Variants in IQSEC1 observed in about 807,000 individuals in gnomAD.
IQSEC1 encodes the protein IQ motif and SEC7 domain-containing protein 1.
Under a neutral mutation model 91.0 loss-of-function variants are expected in IQSEC1, and 31 were observed. The observed-to-expected ratio is 0.34, with a 90% CI of 0.26 to 0.46. The LOEUF (loss-of-function observed/expected upper bound fraction) is 0.46, where lower values mean the gene tolerates loss of function less well. IQSEC1 is among the 20% of genes least tolerant of loss of function. IQSEC1 has a pLI of 1.00. For missense variants in IQSEC1, 1,388 were observed against 1,575.6 expected, an observed-to-expected ratio of 0.88 and a Z score of 2.02; for synonymous variants, 699 against 662.6, an observed-to-expected ratio of 1.05 and a Z score of -0.84.
At position 13,021,184 on chromosome 3, in the gene IQSEC1, A is replaced by G. The variant is rs970897458; in HGVS notation, c.23+51808T>C. 3.3e-5 allele frequency among the ~76,000 whole-genome samples: 5 copies of G among 152,276 alleles called. No homozygotes were observed. In the South Asian group the frequency reaches 8.3e-4, roughly 25 times the overall value. ...GTGTAGTTCCCCTTTACAGATGGGG[A>G]GACCCCAGCCTTGCCTGAGATCACA... is the stretch of plus-strand genomic sequence containing the variant. On this transcript the variant is annotated intron_variant, in intron 1 of 13. Coordinates refer to ENST00000613206, the MANE Select transcript of IQSEC1 (RefSeq NM_001134382.3).
rs115632343 is a variant in IQSEC1, at chr3:12,920,601, G to C, written c.1854-5C>G. 3 of 1,613,776 alleles carry C rather than the reference G, an allele frequency of 1.9e-6. No homozygotes were observed. The highest frequency in any genetic ancestry group is 1.7e-5 in the Admixed American group (1 of 60,024). ...TTGCAGATGCAGTAGCGCTGGCTGC[G>C]GGCCGGGAGGGAGGGGGTCAGGGCC... On this transcript the variant is annotated splice_region_variant and splice_polypyrimidine_tract_variant and intron_variant, in intron 5 of 13. Coordinates refer to ENST00000613206, the MANE Select transcript of IQSEC1 (RefSeq NM_001134382.3).
chr3:13,255,249 G>A (rs940394519), intron 1 of IQSEC1, among the ~76,000 whole-genome samples: 28 of 152,170 alleles, frequency 1.8e-4, no homozygotes, highest in Admixed American at 1.7e-3. Flanking sequence ...GAGGCAGACC[G>A]GACACTGGGC....
chr3:13,141,416 G>A (rs558970130), intron 2 of IQSEC1, among the ~76,000 whole-genome samples: 33 of 152,342 alleles, frequency 2.2e-4, no homozygotes, highest in Admixed American at 7.8e-4. Flanking sequence ...GCCGTCTCCC[G>A]GGGAGTCCAG....
At chr3:13,133,225 C>T (rs960528539) in intron 2 of IQSEC1, among the ~76,000 whole-genome samples, 5 of 152,360 alleles carry the variant, frequency 3.3e-5, no homozygotes, top group African/African-American at 1.2e-4. Context: ...AGGACCCTAA[C>T]TCGTGTTGGT....
chr3:13,163,612 T>C (rs976047961), intron 2 of IQSEC1, among the ~76,000 whole-genome samples: 4 of 152,110 alleles, frequency 2.6e-5, no homozygotes, highest in Non-Finnish European at 5.9e-5. Flanking sequence ...CACCCCCACC[T>C]ACCCTCGGTT....
intron 2 of IQSEC1, among the ~76,000 whole-genome samples, chr3:13,132,585 C>A (rs1227312978): frequency 1.3e-5 from 2 of 152,176 alleles, no homozygotes; most frequent in African/African-American, 4.8e-5. Context: ...GTTCTCTGGG[C>A]CTTGCCTGGC....
intron 2 of IQSEC1, among the ~76,000 whole-genome samples, chr3:13,118,729 G>T (rs1160788491): frequency 6.6e-6 from 1 of 152,160 alleles, no homozygotes; most frequent in Admixed American, 6.5e-5. Flanking sequence ...GAGATGGATG[G>T]TGGTGTTGGC....
intron 2 of IQSEC1, among the ~76,000 whole-genome samples, chr3:13,161,960 C>T (rs556162773): frequency 3.3e-5 from 5 of 152,326 alleles, no homozygotes; most frequent in African/African-American, 1.2e-4. Context: ...CCTGCACATG[C>T]TGTTCCCCCA....
Position 12,899,456 on chromosome 3 carries a change from T to C in IQSEC1, c.*1527A>G. 1 of 1,604,058 alleles carries C rather than the reference T, an allele frequency of 6.2e-7. No homozygotes were observed. Among genetic ancestry groups the C allele is most frequent in the Non-Finnish European group, 8.5e-7 (1 of 1,176,112 alleles). On this transcript the variant is annotated 3_prime_UTR_variant, in exon 14 of 14. Transcript: ENST00000613206. ...GAAACTACAAAGTATGGCCCGTGGGTGACTCGGGCACAGACCTGCCGCGTG... is the reference window on the plus strand; with the variant it reads ...GAAACTACAAAGTATGGCCCGTGGGCGACTCGGGCACAGACCTGCCGCGTG...
intron 1 of IQSEC1, among the ~76,000 whole-genome samples, chr3:13,185,243 G>A (rs1294385232): frequency 1.3e-5 from 2 of 152,098 alleles, no homozygotes; most frequent in East Asian, 1.9e-4. Context: ...TTGTCACCTC[G>A]TTCTTCCCCA....
At chr3:13,137,818 G>A (rs974502559) in intron 2 of IQSEC1, among the ~76,000 whole-genome samples, 1 of 152,110 alleles carries the variant, frequency 6.6e-6, no homozygotes, top group Non-Finnish European at 1.5e-5. Flanking sequence ...TGGCAACATG[G>A]TGAGACCCAT....
chr3:12,968,407 C>A (rs940736122), intron 1 of IQSEC1, among the ~76,000 whole-genome samples: 1 of 152,134 alleles, frequency 6.6e-6, no homozygotes, highest in Non-Finnish European at 1.5e-5. Flanking sequence ...CTATGACAAG[C>A]TTAAAGTAAT....
Position 12,913,411 on chromosome 3 carries a change from G to A in IQSEC1, c.2316+17C>T. On this transcript the variant is annotated intron_variant, in intron 9 of 13. Transcript: ENST00000613206. Reference sequence around the variant, plus strand: ...CTTGAGGTCCCTGCTACAATGCCTTGTGGGTGAGCCACATACCACCAGGAG... The same window carrying A: ...CTTGAGGTCCCTGCTACAATGCCTTATGGGTGAGCCACATACCACCAGGAG... 1.3e-6 allele frequency: 2 copies of A among 1,579,914 alleles called. No homozygotes were observed. Among genetic ancestry groups the A allele is most frequent in the South Asian group, 1.1e-5 (1 of 88,188 alleles).
chr3:13,171,893 C>A (rs968375254), intron 1 of IQSEC1, among the ~76,000 whole-genome samples: 1 of 152,130 alleles, frequency 6.6e-6, no homozygotes, highest in Non-Finnish European at 1.5e-5. Flanking sequence ...CGTCCCGGGC[C>A]AAAGGGTCAG....
Position 13,039,562 on chromosome 3 carries a change from G to A in IQSEC1, c.23+33430C>T, listed in dbSNP as rs1704174725. ...TCCGTTTGGGTGAGGACAGCCGCTT[G>A]CAAAGCCTCTACTAAGTGCTGTATA... On this transcript the variant is annotated intron_variant, in intron 1 of 13. Coordinates refer to ENST00000613206, the MANE Select transcript of IQSEC1 (RefSeq NM_001134382.3). Among the ~76,000 whole-genome samples the A allele has an allele frequency of 1.3e-5, 2 of 152,340 alleles. 1 individual carries two copies. Among genetic ancestry groups the A allele is most frequent in the South Asian group, 4.1e-4 (2 of 4,826 alleles).
intron 1 of IQSEC1, among the ~76,000 whole-genome samples, chr3:13,198,359 T>C (rs1441037923): frequency 6.6e-6 from 1 of 151,944 alleles, no homozygotes; most frequent in African/African-American, 2.4e-5. Context: ...CCGTGGGCTG[T>C]CCCCCTGGAG....
At chr3:13,142,178 C>G (rs1224804412) in intron 2 of IQSEC1, among the ~76,000 whole-genome samples, 1 of 152,234 alleles carries the variant, frequency 6.6e-6, no homozygotes, top group African/African-American at 2.4e-5. Flanking sequence ...TGAAGAAACG[C>G]ATTCTAAGAC....
At position 12,922,347 on chromosome 3, in the gene IQSEC1, C is replaced by G; in HGVS notation, c.1731-105G>C. The G allele has an allele frequency of 1.5e-6, 2 of 1,368,772 alleles. No individual in the cohort carries two copies. Among genetic ancestry groups the G allele is most frequent in the Non-Finnish European group, 1.9e-6 (2 of 1,038,006 alleles). 84.8% of individuals were successfully genotyped at this position (1,368,772 alleles called of 1,614,324 possible). A position where few individuals can be genotyped will look rare whatever the true frequency, so the allele number is the denominator to read the frequency against. On this transcript the variant is annotated intron_variant, in intron 4 of 13. Coordinates refer to ENST00000613206, the MANE Select transcript of IQSEC1 (RefSeq NM_001134382.3). The surrounding 1 kb of genome is among the most constrained non-coding windows in gnomAD (Gnocchi z 5.1). Reference sequence around the variant, plus strand: ...TGAAGCCCTGGGAATGGACCGCCTCCTGGCAGGGAGAGCCCCTGCCTGACT... The same window carrying G: ...TGAAGCCCTGGGAATGGACCGCCTCGTGGCAGGGAGAGCCCCTGCCTGACT...
intron 2 of IQSEC1, among the ~76,000 whole-genome samples, chr3:13,136,143 C>A (rs1242715843): frequency 6.6e-6 from 1 of 152,228 alleles, no homozygotes; most frequent in African/African-American, 2.4e-5. Flanking sequence ...AGAATAGAAA[C>A]TTGGCTGAGG....
Sources: gnomAD v4.1 joint callset for allele counts (sites outside exome capture counted in the v4.1 genomes callset) on GRCh38, gnomAD v4.1.1 for gene constraint, Gnocchi (gnomAD v3.1) non-coding constraint, MANE v1.5 for transcripts, NCBI Gene and HGNC (gene_info 2026-07-23, HGNC 2026-07-21) for gene names.